PRUNE2: variants seen among roughly 807,000 people sequenced by gnomAD.
The protein encoded by PRUNE2 is protein prune homolog 2.
A neutral mutation model predicts 252.0 loss-of-function variants in PRUNE2; 164 were observed. The observed-to-expected ratio is 0.65, with a 90% confidence interval of 0.57 to 0.74. The LOEUF is 0.74. Among genes scored for constraint, PRUNE2 ranks in the 30% least tolerant of loss-of-function variants. The probability of loss-of-function intolerance (pLI) is 0.00; values close to 1 mark genes in which losing one functional copy is unlikely to be tolerated. For missense variants in PRUNE2, 3,495 were observed against 3,711.0 expected (o/e 0.94, Z 1.51); for synonymous variants, 1,292 against 1,350.2 (o/e 0.96, Z 0.94).
Position 76,703,801 on chromosome 9 carries a change from A to G in PRUNE2, c.7812T>C (p.Asn2604=). 11 of 1,613,864 alleles carry G rather than the reference A, an allele frequency of 6.8e-6. No individual in the cohort carries two copies. The highest frequency in any genetic ancestry group is 9.3e-6 in the Non-Finnish European group (11 of 1,179,882). The change falls in exon 9 of 19, where the codon AAT becomes AAC. Residue 2604 remains asparagine, a synonymous_variant. Coordinates refer to ENST00000376718, the MANE Select transcript of PRUNE2 (RefSeq NM_015225.3). The stretch of plus-strand genomic sequence containing the variant: ...TCTCTGCAGAGAGACCTTTTCTTTC[A>G]TTTAAGGAGGCTGGCTGACATGTGT... ...FPDTCQPASL[N]ERKGLSAEKM...
At chr9:76,827,095 A>G (rs866908368) in intron 4 of PRUNE2, among the ~76,000 whole-genome samples, 2 of 152,212 alleles carry the variant, frequency 1.3e-5, no homozygotes, top group Non-Finnish European at 1.5e-5. Context: ...AAACTATTTA[A>G]AAGTCTAATC....
chr9:76,711,700 A>G (rs2046745543), intron 7 of PRUNE2, among the ~76,000 whole-genome samples: 1 of 152,242 alleles, frequency 6.6e-6, no homozygotes, highest in Non-Finnish European at 1.5e-5. Context: ...AGCAGAGATA[A>G]TGCATGTTGC....
chr9:76,807,059 C>T (rs559396369), intron 6 of PRUNE2, among the ~76,000 whole-genome samples: 8 of 139,980 alleles, frequency 5.7e-5, no homozygotes, highest in South Asian at 2.1e-4. Flanking sequence ...TGTGCGCGCG[C>T]GCGTGTGTCT....
intron 16 of PRUNE2, among the ~76,000 whole-genome samples, chr9:76,626,975 C>T (rs1389119474): frequency 6.6e-6 from 1 of 152,122 alleles, no homozygotes; most frequent in Non-Finnish European, 1.5e-5. Context: ...ATTCTATTGC[C>T]TCTGTCACAC....
At chr9:76,786,538 G>T (rs1321123588) in intron 6 of PRUNE2, 4 of 152,176 alleles carry the variant, frequency 2.6e-5, no homozygotes, top group Non-Finnish European at 5.9e-5. Context: ...ACACATATTA[G>T]CTTCTAGCCT....
At chr9:76,896,318 C>A (rs1309151281) in intron 1 of PRUNE2, among the ~76,000 whole-genome samples, 1 of 152,216 alleles carries the variant, frequency 6.6e-6, no homozygotes, top group Non-Finnish European at 1.5e-5. Context: ...CAAGTATCAT[C>A]TCGCAAATAG....
chr9:76,904,736 G>A (rs915312666), intron 1 of PRUNE2, among the ~76,000 whole-genome samples: 3 of 152,200 alleles, frequency 2.0e-5, no homozygotes, highest in Admixed American at 6.5e-5. Flanking sequence ...GGAGGTTTCA[G>A]GTAGAAAGTT....
chr9:76,732,351 C>G (rs1161950205), intron 6 of PRUNE2, among the ~76,000 whole-genome samples: 2 of 152,118 alleles, frequency 1.3e-5, no homozygotes, highest in African/African-American at 2.4e-5. Flanking sequence ...GAAAATTACA[C>G]TTAAGATACA....
At chr9:76,776,893 T>TACACACACACACAC (rs541232508) in intron 6 of PRUNE2, among the ~76,000 whole-genome samples, 4 of 115,668 alleles carry the variant, frequency 3.5e-5, no homozygotes, top group African/African-American at 1.4e-4. Flanking sequence ...CCAAAACACA[T>TACACACACACACAC]ACACACACAC....
intron 6 of PRUNE2, among the ~76,000 whole-genome samples, chr9:76,769,621 C>A (rs1485455556): frequency 6.6e-6 from 1 of 152,188 alleles, no homozygotes; most frequent in Non-Finnish European, 1.5e-5. Context: ...GATGGGGTTT[C>A]TCCATGTTGG....
At chr9:76,845,980 G>A (rs2059650400) in intron 4 of PRUNE2, among the ~76,000 whole-genome samples, 1 of 152,136 alleles carries the variant, frequency 6.6e-6, no homozygotes, top group Non-Finnish European at 1.5e-5. Context: ...AGGACCCCAG[G>A]GCTTGAAACA....
intron 6 of PRUNE2, among the ~76,000 whole-genome samples, chr9:76,752,931 T>C (rs1325133879): frequency 6.6e-6 from 1 of 152,208 alleles, no homozygotes; most frequent in Non-Finnish European, 1.5e-5. Flanking sequence ...CTGATAATTC[T>C]AATAGAAAAA....
chr9:76,728,866 A>T (rs1024086424), intron 6 of PRUNE2, among the ~76,000 whole-genome samples: 10 of 152,180 alleles, frequency 6.6e-5, no homozygotes, highest in Admixed American at 6.5e-4. Context: ...AAATGTATAA[A>T]ACACTTAGCT....
At position 76,854,195 on chromosome 9, in the gene PRUNE2, C is replaced by T. The variant is rs752895318; in HGVS notation, c.50G>A (p.Arg17His). The T allele has an allele frequency of 1.1e-5, 17 of 1,587,118 alleles. No individual in the cohort carries two copies. The highest frequency in any genetic ancestry group is 1.7e-4 in the Middle Eastern group (1 of 6,016). Residue 17 changes from arginine (R) to histidine (H), a missense_variant, in exon 2 of 19, where the codon CGC becomes CAC. By Grantham distance (29) the Arg-to-His change is conservative. Coordinates refer to ENST00000376718, the MANE Select transcript of PRUNE2 (RefSeq NM_015225.3). ...RAKSKLNRSKRLEKVHVVIGP... is the reference protein window; with the variant it reads ...RAKSKLNRSKHLEKVHVVIGP... ...AATAACCACATGGACCTTCTCCAAG[C>T]GTTTGCTTCGATTCTGAAACAAATT... is the stretch of plus-strand genomic sequence containing the variant.
chr9:76,708,869 A>G lies in PRUNE2; in HGVS notation c.3405T>C (p.Asp1135=), dbSNP rs201016957. The G allele has an allele frequency of 1.1e-5, 17 of 1,613,768 alleles. No individual in the cohort carries two copies. The highest frequency in any genetic ancestry group is 1.4e-5 in the Non-Finnish European group (16 of 1,179,888). Reference sequence around the variant, plus strand: ...CCCCACTGCAGTCATCCCAGTCCAAATCATTGTCCATATCTGAGATCGTTG... The same window carrying G: ...CCCCACTGCAGTCATCCCAGTCCAAGTCATTGTCCATATCTGAGATCGTTG... ...STATISDMDN[D]LDWDDCSGGA... is the part of the protein sequence containing the mutation. Residue 1135 remains aspartate (D), a synonymous_variant, in exon 8 of 19, where the codon GAT becomes GAC. Transcript: ENST00000376718.
At chr9:76,754,794 GT>G (rs1257098196) in intron 6 of PRUNE2, among the ~76,000 whole-genome samples, 1 of 151,790 alleles carries the variant, frequency 6.6e-6, no homozygotes, top group Non-Finnish European at 1.5e-5. Flanking sequence ...GTGAAACCCT[GT>G]CTCTACTAAA....
intron 18 of PRUNE2, 85 bp from the exon 19 acceptor site, chr9:76,614,685 T>C: frequency 9.6e-7 from 1 of 1,044,468 alleles, no homozygotes; most frequent in Admixed American, 2.1e-5. Flanking sequence ...TGTGTTTGCT[T>C]TTTTCCTCAA....
chr9:76,703,681 T>C lies in PRUNE2; in HGVS notation c.7932A>G (p.Pro2644=). The C allele has an allele frequency of 6.2e-7, 1 of 1,613,170 alleles. No homozygotes were observed. Among genetic ancestry groups the C allele is most frequent in the Non-Finnish European group, 8.5e-7 (1 of 1,179,846 alleles). The change falls in exon 9 of 19, where the codon CCA becomes CCG. Residue 2644 remains proline, a synonymous_variant. Transcript: ENST00000376718. The part of the protein sequence containing the change: ...MFLGHSEVGD[P]SLDARDSGPG... Reference sequence around the variant, plus strand: ...GCCCTGAGTCCCTGGCATCCAGTGATGGATCACCAACCTCACTATGGCCCA... The same window carrying C: ...GCCCTGAGTCCCTGGCATCCAGTGACGGATCACCAACCTCACTATGGCCCA...
chr9:76,653,452 G>T (rs1038061816), intron 10 of PRUNE2, among the ~76,000 whole-genome samples: 3 of 152,030 alleles, frequency 2.0e-5, no homozygotes, highest in African/African-American at 7.2e-5. Context: ...AATAGTGTTT[G>T]CACTGTGTTT....
Sources: gnomAD v4.1 joint callset for allele counts (sites outside exome capture counted in the v4.1 genomes callset) on GRCh38, gnomAD v4.1.1 for gene constraint, MANE v1.5 for transcripts, NCBI Gene and HGNC (gene_info 2026-07-23, HGNC 2026-07-21) for gene names.